Variants in VPS13B observed in about 807,000 individuals in gnomAD.
The protein encoded by VPS13B is vacuolar protein sorting 13 homolog B.
VPS13B carries 285 observed loss-of-function variants against 426.4 expected under a neutral mutation model. The observed-to-expected ratio is 0.67, with a 90% CI of 0.61 to 0.74. The LOEUF (loss-of-function observed/expected upper bound fraction) is 0.74. Ranked by LOEUF, VPS13B falls within the 30% of genes least tolerant of loss-of-function variation. The pLI, the probability that VPS13B is intolerant of heterozygous loss-of-function variation, is 0.00. For missense variants in VPS13B, 4,537 were observed against 4,782.6 expected, an observed-to-expected ratio of 0.95 and a Z score of 1.51; for synonymous variants, 1,676 against 1,676.4, an observed-to-expected ratio of 1.00 and a Z score of 0.01.
chr8:99,058,338 T>C (rs1843995201), intron 3 of VPS13B, among the ~76,000 whole-genome samples: 1 of 151,650 alleles, frequency 6.6e-6, no homozygotes, highest in Admixed American at 6.6e-5. Flanking sequence ...TTTCATAAAA[T>C]ATGAAAACCC....
intron 33 of VPS13B, among the ~76,000 whole-genome samples, chr8:99,597,818 A>G (rs1181190379): frequency 1.3e-5 from 2 of 151,982 alleles, no homozygotes; most frequent in African/African-American, 4.8e-5. Flanking sequence ...GCCAAGCACA[A>G]TCCTTACTGA....
At chr8:99,297,139 A>T (rs1820084645) in intron 19 of VPS13B, among the ~76,000 whole-genome samples, 1 of 152,118 alleles carries the variant, frequency 6.6e-6, no homozygotes, top group Non-Finnish European at 1.5e-5. Context: ...AGGTTTTTAT[A>T]GGGTTTATTT....
At chr8:99,867,582 A>G (rs1462081143) in intron 58 of VPS13B, among the ~76,000 whole-genome samples, 1 of 152,176 alleles carries the variant, frequency 6.6e-6, no homozygotes, top group African/African-American at 2.4e-5. Context: ...CTGTGACTCA[A>G]ACTCTCTGTA....
chr8:99,688,188 G>C (rs529682045), intron 35 of VPS13B, among the ~76,000 whole-genome samples: 2 of 149,528 alleles, frequency 1.3e-5, no homozygotes, highest in East Asian at 3.9e-4. Flanking sequence ...TCTTAGGTAA[G>C]GAGGAGGCAA....
chr8:99,844,988 A>T (rs541432213), intron 54 of VPS13B, among the ~76,000 whole-genome samples: 1 of 152,288 alleles, frequency 6.6e-6, no homozygotes, highest in South Asian at 2.1e-4. Flanking sequence ...CATCTTCTAG[A>T]GCTACAGATT....
At chr8:99,689,867 G>A (rs1831576711) in intron 35 of VPS13B, among the ~76,000 whole-genome samples, 1 of 152,114 alleles carries the variant, frequency 6.6e-6, no homozygotes, top group Non-Finnish European at 1.5e-5. Context: ...AACCTCCTGG[G>A]TAGGTTACTA....
chr8:99,526,401 A>G (rs771555661), intron 30 of VPS13B, among the ~76,000 whole-genome samples: 149 of 152,318 alleles, frequency 9.8e-4, no homozygotes, highest in Non-Finnish European at 1.5e-3. Context: ...TTACTCAGGC[A>G]AGGAAAGGCA....
At chr8:99,626,066 A>T (rs1828601157) in intron 33 of VPS13B, among the ~76,000 whole-genome samples, 1 of 152,140 alleles carries the variant, frequency 6.6e-6, no homozygotes, top group Non-Finnish European at 1.5e-5. Context: ...AAATTATAAA[A>T]CTCTTAGAAG....
chr8:99,780,920 T>A (rs572927862), intron 42 of VPS13B, among the ~76,000 whole-genome samples: 29 of 152,318 alleles, frequency 1.9e-4, no homozygotes, highest in Non-Finnish European at 2.9e-5. Flanking sequence ...AAGCGGAAGT[T>A]TAGTTTCCCA....
intron 3 of VPS13B, among the ~76,000 whole-genome samples, chr8:99,090,262 A>G (rs1365563241): frequency 6.7e-6 from 1 of 149,436 alleles, no homozygotes; most frequent in Non-Finnish European, 1.5e-5. Flanking sequence ...ATGTATAATC[A>G]TAAACTTTTT....
intron 25 of VPS13B, among the ~76,000 whole-genome samples, chr8:99,497,967 C>T (rs1036182901): frequency 8.6e-5 from 13 of 151,864 alleles, no homozygotes; most frequent in African/African-American, 2.9e-4. Context: ...ATTTGAATAT[C>T]TATGAAAAAA....
chr8:99,043,330 T>G (rs4520132), intron 3 of VPS13B, among the ~76,000 whole-genome samples: 125,525 of 151,964 alleles, frequency 0.83, 52,356 homozygotes, highest in South Asian at 0.89. Context: ...GTACAGTTGT[T>G]TTGGTAGACT....
chr8:99,188,450 A>G (rs559601867), intron 16 of VPS13B, among the ~76,000 whole-genome samples: 3 of 152,296 alleles, frequency 2.0e-5, no homozygotes, highest in African/African-American at 7.2e-5. Flanking sequence ...CTTTGTATGG[A>G]TCGAATACAT....
intron 19 of VPS13B, among the ~76,000 whole-genome samples, chr8:99,362,891 T>G (rs1470259916): frequency 2.0e-5 from 3 of 152,244 alleles, no homozygotes; most frequent in African/African-American, 4.8e-5. Flanking sequence ...TGTCTTCTTT[T>G]GAGACATGTC....
chr8:99,718,250 T>A (rs1414344110), intron 37 of VPS13B, among the ~76,000 whole-genome samples: 1 of 149,876 alleles, frequency 6.7e-6, no homozygotes, highest in Admixed American at 6.7e-5. Flanking sequence ...ATGTTTTTTA[T>A]TTTTTTTTTC....
intron 19 of VPS13B, among the ~76,000 whole-genome samples, chr8:99,302,402 C>T (rs1235230548): frequency 6.6e-6 from 1 of 152,192 alleles, no homozygotes; most frequent in African/African-American, 2.4e-5. Context: ...CTACCTTAAA[C>T]ATTCTCAGAA....
intron 3 of VPS13B, among the ~76,000 whole-genome samples, chr8:99,073,825 C>T (rs992298894): frequency 4.0e-5 from 6 of 150,746 alleles, no homozygotes; most frequent in African/African-American, 1.5e-4. Context: ...TGCTGGAGTG[C>T]AGTGGTGCGA....
chr8:99,702,699 C>T (rs1018378078), intron 36 of VPS13B, among the ~76,000 whole-genome samples: 4 of 152,122 alleles, frequency 2.6e-5, no homozygotes, highest in African/African-American at 7.2e-5. Flanking sequence ...TGTGCAAAAA[C>T]ATCATGGAAA....
At chr8:99,621,378 A>G (rs1014284592) in intron 33 of VPS13B, among the ~76,000 whole-genome samples, 1 of 152,220 alleles carries the variant, frequency 6.6e-6, no homozygotes, top group Non-Finnish European at 1.5e-5. Context: ...AGATCTTGAT[A>G]TTAATCCCCA....
Sources: gnomAD v4.1 joint callset for allele counts (sites outside exome capture counted in the v4.1 genomes callset) on GRCh38, gnomAD v4.1.1 for gene constraint, MANE v1.5 for transcripts, NCBI Gene and HGNC (gene_info 2026-07-23, HGNC 2026-07-21) for gene names.